APBA2: variants seen among roughly 807,000 people sequenced by gnomAD.
The protein encoded by APBA2 is amyloid-beta A4 precursor protein-binding family A member 2.
In APBA2, 30 loss-of-function variants were observed where a neutral mutation model predicts 75.0. That is an observed-to-expected ratio of 0.40 (90% CI 0.30 to 0.54). The LOEUF (loss-of-function observed/expected upper bound fraction) is 0.54, where lower values mean the gene tolerates loss of function less well. Ranked by LOEUF, APBA2 falls within the 20% of genes least tolerant of loss-of-function variation. The probability of loss-of-function intolerance (pLI) is 0.49; values close to 1 mark genes in which losing one functional copy is unlikely to be tolerated. For missense variants in APBA2, 801 were observed against 1,016.1 expected, an observed-to-expected ratio of 0.79 and a Z score of 2.88; for synonymous variants, 444 against 409.6, an observed-to-expected ratio of 1.08 and a Z score of -1.01.
intron 2 of APBA2, among the ~76,000 whole-genome samples, chr15:28,958,485 G>A (rs2036291253): frequency 6.6e-6 from 1 of 152,254 alleles, no homozygotes; most frequent in Non-Finnish European, 1.5e-5. Context: ...ATGCTTCTTA[G>A]TATCTCCAGC....
chr15:28,996,119 T>C (rs530362131), intron 3 of APBA2, among the ~76,000 whole-genome samples: 1 of 152,284 alleles, frequency 6.6e-6, no homozygotes, highest in Admixed American at 6.5e-5. Context: ...TACTGGTGTT[T>C]CTGTAAACCA....
chr15:29,073,822 A>G (rs1018344625), intron 4 of APBA2, among the ~76,000 whole-genome samples: 2 of 152,162 alleles, frequency 1.3e-5, no homozygotes, highest in South Asian at 2.1e-4. Context: ...TGTCTTCTGG[A>G]TGATATAAGG....
intron 1 of APBA2, among the ~76,000 whole-genome samples, chr15:28,914,617 A>G (rs2152655814): frequency 6.6e-6 from 1 of 152,130 alleles, no homozygotes; most frequent in South Asian, 2.1e-4. Flanking sequence ...TGCACAGCCC[A>G]TAAGGGACTG....
At chr15:28,926,012 G>C (rs1465430386) in intron 2 of APBA2, among the ~76,000 whole-genome samples, 1 of 152,076 alleles carries the variant, frequency 6.6e-6, no homozygotes, top group East Asian at 1.9e-4. Flanking sequence ...ACTTTGATTA[G>C]AGTTAGCATG....
At chr15:28,949,834 C>T (rs1281263474) in intron 2 of APBA2, among the ~76,000 whole-genome samples, 2 of 152,202 alleles carry the variant, frequency 1.3e-5, no homozygotes, top group Non-Finnish European at 2.9e-5. Context: ...GTTGCAAAGA[C>T]TGCAGAGAAT....
chr15:29,053,881 T>G lies in APBA2; in HGVS notation c.-4T>G. The G allele has an allele frequency of 6.2e-7, 1 of 1,609,272 alleles. No individual in the cohort carries two copies. Among genetic ancestry groups the G allele is most frequent in the South Asian group, 1.1e-5 (1 of 90,914 alleles). The stretch of plus-strand genomic sequence containing the variant: ...GGGTGATGATGGCTGTGTGAACGAC[T>G]GCCATGGCCCACCGGAAGCTTGAGA... On this transcript the variant is annotated 5_prime_UTR_variant, in exon 4 of 15. Transcript: ENST00000683413.
intron 1 of APBA2, among the ~76,000 whole-genome samples, chr15:28,916,816 T>G (rs1433532270): frequency 0.018 from 2,697 of 152,338 alleles, 76 homozygotes; most frequent in African/African-American, 0.061. Context: ...ACCATTCTCT[T>G]ATTTATGGGT....
chr15:29,074,014 T>C (rs756258219), intron 4 of APBA2, among the ~76,000 whole-genome samples: 136 of 152,274 alleles, frequency 8.9e-4, no homozygotes, highest in Admixed American at 2.7e-3. Flanking sequence ...TTTAAAAATA[T>C]GGCTTTTAAC....
rs529132907 is a variant in APBA2 at position 28,927,983 on chromosome 15, A to C, written c.-95+6234A>C. Among the ~76,000 whole-genome samples the C allele has an allele frequency of 1.1e-4, 16 of 150,014 alleles. No homozygotes were observed. In the South Asian group the frequency reaches 3.0e-3, roughly 28 times the overall value. On this transcript the variant is annotated intron_variant, in intron 2 of 14. Coordinates refer to ENST00000683413, the MANE Select transcript of APBA2 (RefSeq NM_001353788.2). The stretch of plus-strand genomic sequence containing the variant: ...ACATGGAGAAACCCCTGTCTCTATT[A>C]AAAATACAAAATTAGCCAGGCGTGA...
chr15:28,901,761 G>A (rs2032867469), intron 1 of APBA2, among the ~76,000 whole-genome samples: 2 of 152,118 alleles, frequency 1.3e-5, no homozygotes, highest in South Asian at 4.1e-4. Context: ...GTTGGCCTGT[G>A]GACTGCTGCC....
chr15:28,905,044 T>C (rs2033069000), intron 1 of APBA2, among the ~76,000 whole-genome samples: 2 of 152,152 alleles, frequency 1.3e-5, no homozygotes, highest in African/African-American at 4.8e-5. Flanking sequence ...GGCAAGTAGG[T>C]TGAAACCAAG....
chr15:29,052,299 CG>C (rs2041632471), intron 3 of APBA2, among the ~76,000 whole-genome samples: 1 of 151,792 alleles, frequency 6.6e-6, no homozygotes, highest in East Asian at 1.9e-4. Flanking sequence ...ACTAAAAATA[CG>C]AAAAATTAGC....
chr15:29,099,496 T>G (rs576609106), intron 9 of APBA2, among the ~76,000 whole-genome samples: 1 of 152,154 alleles, frequency 6.6e-6, no homozygotes, highest in African/African-American at 2.4e-5. Context: ...TTACTGGGAG[T>G]TGGTCATAGG....
Position 28,999,538 on chromosome 15 carries a change from C to T in APBA2, c.-41+3732C>T, listed in dbSNP as rs1241646793. On this transcript the variant is annotated intron_variant, in intron 3 of 14. Transcript: ENST00000683413. ...TTGGCAAATTAGAAAGTCTGATAAT[C>T]GAAGGGTTGCCCAGAGTGTGAAGCA... 2.6e-5 allele frequency among the ~76,000 whole-genome samples: 4 copies of T among 152,244 alleles called. 1 individual carries two copies. The highest frequency in any genetic ancestry group is 6.8e-3 in the Middle Eastern group (2 of 294).
chr15:29,053,424 G>A (rs1595843297), intron 3 of APBA2, among the ~76,000 whole-genome samples: 1 of 152,196 alleles, frequency 6.6e-6, no homozygotes, highest in African/African-American at 2.4e-5. Flanking sequence ...ATTGGGAAGA[G>A]TTATTGTCCC....
chr15:28,920,599 T>C (rs1337664563), intron 1 of APBA2, among the ~76,000 whole-genome samples: 1 of 152,082 alleles, frequency 6.6e-6, no homozygotes, highest in African/African-American at 2.4e-5. Flanking sequence ...GGAATAAATG[T>C]TTGGGTTTAG....
intron 1 of APBA2, among the ~76,000 whole-genome samples, chr15:28,898,977 T>C (rs1215995958): frequency 2.0e-5 from 3 of 152,250 alleles, no homozygotes; most frequent in Non-Finnish European, 4.4e-5. Context: ...AAATGTATTT[T>C]TATTTCTGCA....
intron 1 of APBA2, among the ~76,000 whole-genome samples, chr15:28,895,315 C>T (rs1230143044): frequency 3.9e-5 from 6 of 152,062 alleles, no homozygotes; most frequent in African/African-American, 7.2e-5. Flanking sequence ...GCTGTCCTTA[C>T]GGGGCTCCCA....
In APBA2 at chr15:28,888,121, C is replaced by T. The variant is rs141522557; in HGVS notation, c.-205+1843C>T. 1.9e-3 allele frequency among the ~76,000 whole-genome samples: 293 copies of T among 152,258 alleles called. 3 individuals carry two copies. Among genetic ancestry groups the T allele is most frequent in the African/African-American group, 6.8e-3 (283 of 41,526 alleles). ...CTGCTAGTTAACTTGTTTACAAAACCTTTTTAAGTAGTTCTAACCTCTTTT... is the reference window on the plus strand; with the variant it reads ...CTGCTAGTTAACTTGTTTACAAAACTTTTTTAAGTAGTTCTAACCTCTTTT... On this transcript the variant is annotated intron_variant, in intron 1 of 14. Transcript: ENST00000683413.
Sources: allele counts gnomAD v4.1 joint callset (sites outside exome capture counted in the v4.1 genomes callset), GRCh38; gene constraint gnomAD v4.1.1; transcripts MANE v1.5; gene names NCBI Gene and HGNC (gene_info 2026-07-23, HGNC 2026-07-21).